Variants in ENPP3 observed in about 807,000 individuals in gnomAD.
The protein encoded by ENPP3 is ectonucleotide pyrophosphatase/phosphodiesterase family member 3.
ENPP3 carries 104 observed loss-of-function variants against 117.8 expected under a neutral mutation model. The ratio of observed to expected loss-of-function variants is 0.88; its 90% confidence interval spans 0.75 to 1.04. ENPP3 has a LOEUF of 1.04. ENPP3 is among the 50% of genes least tolerant of loss of function. The pLI is 0.00. For missense variants in ENPP3, 1,026 were observed against 1,051.9 expected, an observed-to-expected ratio of 0.98 and a Z score of 0.34; for synonymous variants, 380 against 349.9, an observed-to-expected ratio of 1.09 and a Z score of -0.96.
At chr6:131,735,638 G>A (rs1479838007) in intron 21 of ENPP3, among the ~76,000 whole-genome samples, 2 of 152,136 alleles carry the variant, frequency 1.3e-5, no homozygotes, top group East Asian at 3.8e-4. Context: ...TACAGTTTAA[G>A]TATAAAAAGT....
At chr6:131,652,709 G>T in intron 4 of ENPP3, 42 bp downstream of exon 4, 2 of 1,612,852 alleles carry the variant, frequency 1.2e-6, no homozygotes, top group Non-Finnish European at 1.7e-6. Context: ...TGCGAGTTTA[G>T]AGGAACTCCA....
chr6:131,679,172 G>T (rs1778967733), intron 11 of ENPP3, among the ~76,000 whole-genome samples: 2 of 150,496 alleles, frequency 1.3e-5, no homozygotes, highest in South Asian at 4.2e-4. Flanking sequence ...TCAGCTCTCT[G>T]CAACCTCCAT....
intron 20 of ENPP3, among the ~76,000 whole-genome samples, chr6:131,727,723 T>A (rs1171105237): frequency 6.6e-6 from 1 of 152,206 alleles, no homozygotes; most frequent in African/African-American, 2.4e-5. Flanking sequence ...TTAACCACAA[T>A]CATTATTTTT....
intron 14 of ENPP3, 60 bp from the exon 15 acceptor site, chr6:131,693,437 A>G: frequency 2.0e-6 from 3 of 1,467,990 alleles, no homozygotes; most frequent in Non-Finnish European, 2.8e-6. Flanking sequence ...TAGAAGATGA[A>G]CTTTTAAAAT....
intron 14 of ENPP3, among the ~76,000 whole-genome samples, chr6:131,687,176 C>G (rs1779171212): frequency 6.6e-6 from 1 of 152,098 alleles, no homozygotes; most frequent in Non-Finnish European, 1.5e-5. Context: ...ACCATAGCGT[C>G]TATTGTTTTT....
intron 1 of ENPP3, among the ~76,000 whole-genome samples, chr6:131,638,785 C>T (rs1371922539): frequency 1.3e-5 from 2 of 151,816 alleles, no homozygotes; most frequent in African/African-American, 2.4e-5. Context: ...TTTTGCCCAG[C>T]CTCTGTCACA....
intron 17 of ENPP3, among the ~76,000 whole-genome samples, chr6:131,720,645 G>A (rs1480050827): frequency 6.6e-6 from 1 of 152,114 alleles, no homozygotes; most frequent in African/African-American, 2.4e-5. Context: ...GCAGTGGTGT[G>A]ATCCTGGCTC....
At chr6:131,707,000 T>G (rs1460706886) in intron 15 of ENPP3, among the ~76,000 whole-genome samples, 1 of 151,838 alleles carries the variant, frequency 6.6e-6, no homozygotes, top group Admixed American at 6.6e-5. Flanking sequence ...TGGAAAAGAT[T>G]GTGTAGAATT....
intron 3 of ENPP3, among the ~76,000 whole-genome samples, chr6:131,650,688 C>T (rs1321123543): frequency 6.6e-6 from 1 of 152,174 alleles, no homozygotes; most frequent in African/African-American, 2.4e-5. Context: ...CTCCTGAAGA[C>T]TCCAAAAGAG....
chr6:131,675,017 T>C (rs911345294), intron 8 of ENPP3, 63 bp from the exon 9 acceptor site: 31 of 925,122 alleles, frequency 3.4e-5, no homozygotes, highest in Non-Finnish European at 5.4e-5. Context: ...TAGTTTCTAG[T>C]AAGGTACACC....
Position 131,722,536 on chromosome 6 carries a change from G to A in ENPP3, c.1746+131G>A, listed in dbSNP as rs1780059170. On this transcript the variant is annotated intron_variant, in intron 18 of 24. Transcript: ENST00000357639. ...GGATATTTACTTAGTAAATATATGT[G>A]GTTTCTCTGAACCTTACCTGGAAAC... The A allele has an allele frequency of 7.2e-6, 5 of 691,762 alleles. No homozygotes were observed. In the Admixed American group the frequency reaches 1.3e-4, roughly 18 times the overall value. The allele number at this position is 691,762 out of a possible 1,614,324, so 42.9% of individuals were successfully genotyped here.
chr6:131,744,707 G>A (rs982136378), intron 24 of ENPP3, among the ~76,000 whole-genome samples: 1 of 151,940 alleles, frequency 6.6e-6, no homozygotes, highest in Admixed American at 6.6e-5. Context: ...TAAGAACGTG[G>A]ATAGGGCAGA....
intron 14 of ENPP3, among the ~76,000 whole-genome samples, chr6:131,688,876 A>AC (rs1326344184): frequency 7.0e-6 from 1 of 142,698 alleles, no homozygotes; most frequent in Non-Finnish European, 1.5e-5. Flanking sequence ...ACATGGTGAA[A>AC]CCCGTCTCTA....
At chr6:131,732,824 G>A (rs1022957346) in intron 20 of ENPP3, among the ~76,000 whole-genome samples, 20 of 149,998 alleles carry the variant, frequency 1.3e-4, no homozygotes, top group East Asian at 1.2e-3. Flanking sequence ...TCCGCCTCCC[G>A]GTTCAAGCGA....
At chr6:131,642,460 C>T (rs1363099381) in intron 2 of ENPP3, among the ~76,000 whole-genome samples, 2 of 152,132 alleles carry the variant, frequency 1.3e-5, no homozygotes, top group African/African-American at 4.8e-5. Context: ...AAATGCACCA[C>T]TTACAAATGA....
chr6:131,638,008 T>G (rs1234885573), intron 1 of ENPP3, among the ~76,000 whole-genome samples: 1 of 151,884 alleles, frequency 6.6e-6, no homozygotes, highest in Admixed American at 6.6e-5. Context: ...TTCTTTTTAC[T>G]CCAGAAATAC....
At chr6:131,694,894 A>T (rs1339976710) in intron 15 of ENPP3, among the ~76,000 whole-genome samples, 1 of 151,406 alleles carries the variant, frequency 6.6e-6, no homozygotes, top group Non-Finnish European at 1.5e-5. Flanking sequence ...AGATGAAAGA[A>T]CACAAGGGAC....
At chr6:131,688,992 G>C (rs866276416) in intron 14 of ENPP3, among the ~76,000 whole-genome samples, 3 of 151,954 alleles carry the variant, frequency 2.0e-5, no homozygotes, top group Non-Finnish European at 4.4e-5. Context: ...CTTGAACCCG[G>C]AAGGCGGAGG....
At chr6:131,646,274 CTGTGTGTGTG>C (rs34014584) in intron 2 of ENPP3, among the ~76,000 whole-genome samples, 27 of 145,604 alleles carry the variant, frequency 1.9e-4, no homozygotes, top group African/African-American at 6.3e-4. Context: ...TCTCAATACT[CTGTGTGTGTG>C]TGTGTGTGTG....
Sources: allele counts gnomAD v4.1 joint callset (sites outside exome capture counted in the v4.1 genomes callset), GRCh38; gene constraint gnomAD v4.1.1; transcripts MANE v1.5; gene names NCBI Gene and HGNC (gene_info 2026-07-23, HGNC 2026-07-21).